Variants in CATSPER1 observed in about 807,000 individuals in gnomAD.
The protein encoded by CATSPER1 is cation channel sperm associated 1, also known as cation channel sperm-associated protein 1.
In CATSPER1, 57 loss-of-function variants were observed where a neutral mutation model predicts 72.7. The observed-to-expected ratio is 0.78, with a 90% CI of 0.63 to 0.98. CATSPER1 has a LOEUF of 0.98. Ranked by LOEUF, CATSPER1 falls within the 50% of genes least tolerant of loss-of-function variation. The pLI, the probability that CATSPER1 is intolerant of heterozygous loss-of-function variation, is 0.00. For synonymous variants in CATSPER1, 363 were observed against 403.0 expected (o/e 0.90, Z 1.19); for missense variants, 910 against 1,033.9 (o/e 0.88, Z 1.64).
In CATSPER1 at chr11:66,019,520, G is replaced by A. The variant is rs377189514; in HGVS notation, c.2126-618C>T. 5.8e-4 allele frequency among the ~76,000 whole-genome samples: 88 copies of A among 152,042 alleles called. No homozygotes were observed. The South Asian group carries it at 0.012, about 20-fold the overall frequency. ...TTGAACTGCTGACCTCAGGTGATCC[G>A]CCCGTCTCAGCCTCCCAAAGTGCTG... On this transcript the variant is annotated intron_variant, in intron 9 of 11. Coordinates refer to ENST00000312106, the MANE Select transcript of CATSPER1 (RefSeq NM_053054.4).
Position 66,026,425 on chromosome 11 carries a change from C to A in CATSPER1, c.-46G>T. Reference sequence around the variant, plus strand: ...AGCCAAAAGAGCTCAAGACCTGGGCCCAACAGGCCCCGCCTGGATTTCCCT... The same window carrying A: ...AGCCAAAAGAGCTCAAGACCTGGGCACAACAGGCCCCGCCTGGATTTCCCT... On this transcript the variant is annotated 5_prime_UTR_variant, in exon 1 of 12. Transcript: ENST00000312106. The A allele has an allele frequency of 6.2e-7, 1 of 1,605,648 alleles. No individual in the cohort carries two copies. Among genetic ancestry groups the A allele is most frequent in the African/African-American group, 1.3e-5 (1 of 75,044 alleles).
Position 66,026,002 on chromosome 11 carries a change from A to G in CATSPER1, c.378T>C (p.His126=), listed in dbSNP as rs1308753958. ...ACCCACCGTATTGGGACCCATCATG[A>G]TGCCTCCTGCCATCACGTTGGAGCT... ...HDELQRDGRR[H]HDGSQYGGFH... is the part of the protein sequence containing the mutation. Residue 126 remains histidine, a synonymous_variant, in exon 1 of 12, where the codon CAT becomes CAC. Transcript: ENST00000312106. The G allele has an allele frequency of 6.2e-7, 1 of 1,613,822 alleles. No individual in the cohort carries two copies. Among genetic ancestry groups the G allele is most frequent in the South Asian group, 1.1e-5 (1 of 91,078 alleles).
chr11:66,023,012 G>A lies in CATSPER1; in HGVS notation c.1266C>T (p.Phe422=), dbSNP rs1396704426. The A allele has an allele frequency of 1.9e-6, 3 of 1,614,122 alleles. No individual in the cohort carries two copies. In the African/African-American group the frequency reaches 4.0e-5, roughly 22 times the overall value. ...TRKKGHSTNL[F]QWLWEKLTFL... is the part of the protein sequence containing the mutation. ...AGGTTAGCTTTTCCCACAGCCACTGGAAGAGATTGGTAGAGTGTCCCTTCT... is the reference window on the plus strand; with the variant it reads ...AGGTTAGCTTTTCCCACAGCCACTGAAAGAGATTGGTAGAGTGTCCCTTCT... The change falls in exon 2 of 12, where the codon TTC becomes TTT. Residue 422 remains phenylalanine (F), a synonymous_variant. Transcript: ENST00000312106.
intron 10 of CATSPER1, 129 bp from the exon 11 acceptor site, chr11:66,017,303 A>C: frequency 1.6e-6 from 1 of 645,066 alleles, no homozygotes; most frequent in Non-Finnish European, 2.7e-6. Context: ...ATGACTGCAG[A>C]CCTGCATTTC....
Position 66,021,672 on chromosome 11 carries a change from G to A in CATSPER1, c.1544-29C>T, listed in dbSNP as rs200047406. On this transcript the variant is annotated intron_variant, in intron 3 of 11. Transcript: ENST00000312106. Reference sequence around the variant, plus strand: ...AGGGCACGGGGTGCCTGAGCCTGGCGGGCTCCCAACGCCAGCGCCCCCTTC... The same window carrying A: ...AGGGCACGGGGTGCCTGAGCCTGGCAGGCTCCCAACGCCAGCGCCCCCTTC... 9.1e-5 allele frequency: 146 copies of A among 1,607,660 alleles called. No homozygotes were observed. The African/African-American group carries it at 1.1e-3, about 13-fold the overall frequency.
chr11:66,019,607 C>T (rs149338762), intron 9 of CATSPER1, among the ~76,000 whole-genome samples: 7 of 152,078 alleles, frequency 4.6e-5, no homozygotes, highest in African/African-American at 1.7e-4. Flanking sequence ...TTGACAAGCA[C>T]AGTCAGGTGT....
intron 2 of CATSPER1, among the ~76,000 whole-genome samples, 159 bp downstream of exon 2, chr11:66,022,690 C>A (rs1243670626): frequency 1.3e-5 from 2 of 152,260 alleles, no homozygotes; most frequent in African/African-American, 2.4e-5. Context: ...CGGGGTCTTT[C>A]TGAGACGCTC....
chr11:66,020,994 C>T lies in CATSPER1; in HGVS notation c.1784-40G>A. The T allele has an allele frequency of 6.2e-7, 1 of 1,613,168 alleles. No individual in the cohort carries two copies. The highest frequency in any genetic ancestry group is 1.1e-5 in the South Asian group (1 of 91,058). On this transcript the variant is annotated intron_variant, in intron 5 of 11. Coordinates refer to ENST00000312106, the MANE Select transcript of CATSPER1 (RefSeq NM_053054.4). The surrounding 1 kb of genome is among the most constrained non-coding windows in gnomAD (Gnocchi z 4.5). ...CCAAACTCAGCTCTCCAGTGCTATC[C>T]CCACCCCAGCGCCCCTCGTCCTGCC...
At chr11:66,021,923 A>G (rs201190307) in intron 2 of CATSPER1, 44 bp from the exon 3 acceptor site, 1 of 1,436,514 alleles carries the variant, frequency 7.0e-7, no homozygotes, top group African/African-American at 1.4e-5. Flanking sequence ...CCCAGCACCC[A>G]GTGCCCTCTC....
chr11:66,025,612 G>A lies in CATSPER1; in HGVS notation c.768C>T (p.Tyr256=), dbSNP rs1197674867. ...TGTGATAGTCAGATATCCCACGCTG[G>A]TAGGACCCCACAGAGGAATGAGGGG... ...TISPHSSVGS[Y]QRGISDYHSE... The change falls in exon 1 of 12, where the codon TAC becomes TAT. Residue 256 remains tyrosine, a synonymous_variant. Transcript: ENST00000312106. 6 of 1,612,364 alleles carry A rather than the reference G, an allele frequency of 3.7e-6. No individual in the cohort carries two copies. In the East Asian group the frequency reaches 6.7e-5, roughly 18 times the overall value.
At chr11:66,023,783 C>T (rs1434582184) in intron 1 of CATSPER1, among the ~76,000 whole-genome samples, 1 of 151,898 alleles carries the variant, frequency 6.6e-6, no homozygotes, top group African/African-American at 2.4e-5. Context: ...TCTTTGCTCA[C>T]GTGGCAACTT....
chr11:66,017,319 G>C (rs1354488036), intron 10 of CATSPER1, 145 bp from the exon 11 acceptor site: 1 of 626,876 alleles, frequency 1.6e-6, no homozygotes, highest in Non-Finnish European at 2.8e-6. Flanking sequence ...ATTTCCAGGA[G>C]GTCTCCTTTT....
Position 66,026,295 on chromosome 11 carries a change from G to C in CATSPER1, c.85C>G (p.Pro29Ala), listed in dbSNP as rs768855476. Residue 29 changes from proline (P) to alanine (A), a missense_variant, in exon 1 of 12, where the codon CCC becomes GCC. Pro to Ala is a conservative substitution (Grantham distance 27). Transcript: ENST00000312106. ...ADRFFRSHSS[P>A]PHHRPGHSRA... ...CTGTGGCCTGGCCTGTGGTGTGGGGGTGATGAGTGAGAGCGAAAGAACCTA... is the reference window on the plus strand; with the variant it reads ...CTGTGGCCTGGCCTGTGGTGTGGGGCTGATGAGTGAGAGCGAAAGAACCTA... The C allele has an allele frequency of 1.9e-6, 3 of 1,614,098 alleles. No individual in the cohort carries two copies. The highest frequency in any genetic ancestry group is 2.5e-6 in the Non-Finnish European group (3 of 1,180,040).
In CATSPER1 at chr11:66,021,750, C is replaced by A; in HGVS notation, c.1543+16G>T. Reference sequence around the variant, plus strand: ...CCCAGACTAAACACACGCAGCCTGGCCCCGGCCGCACCCACCCAAATTGTT... The same window carrying A: ...CCCAGACTAAACACACGCAGCCTGGACCCGGCCGCACCCACCCAAATTGTT... On this transcript the variant is annotated intron_variant, in intron 3 of 11. Transcript: ENST00000312106. 6.2e-7 allele frequency: 1 copy of A among 1,612,624 alleles called. No individual in the cohort carries two copies. The highest frequency in any genetic ancestry group is 1.1e-5 in the South Asian group (1 of 91,066).
Position 66,020,077 on chromosome 11 carries a change from G to T in CATSPER1, c.2125+63C>A. On this transcript the variant is annotated intron_variant, in intron 9 of 11. Coordinates refer to ENST00000312106, the MANE Select transcript of CATSPER1 (RefSeq NM_053054.4). The surrounding 1 kb of genome is among the most constrained non-coding windows in gnomAD (Gnocchi z 4.5). ...CTGTGACTGTGGAAGGAGGTTAGGG[G>T]GATGGAGAGACTGGCCCCCACTGCG... 1 of 1,529,414 alleles carries T rather than the reference G, an allele frequency of 6.5e-7. No individual in the cohort carries two copies. The highest frequency in any genetic ancestry group is 9.1e-7 in the Non-Finnish European group (1 of 1,104,774). 94.7% of individuals were successfully genotyped at this position (1,529,414 alleles called of 1,614,324 possible). A position where few individuals can be genotyped will look rare whatever the true frequency, so the allele number is the denominator to read the frequency against.
intron 10 of CATSPER1, 41 bp from the exon 11 acceptor site, chr11:66,017,215 T>C (rs1354120557): frequency 3.4e-6 from 5 of 1,481,648 alleles, no homozygotes; most frequent in East Asian, 2.4e-5. Flanking sequence ...GGGGCTGGGC[T>C]GACCTGCTGG....
chr11:66,018,856 G>T lies in CATSPER1; in HGVS notation c.2172C>A (p.Ile724=), dbSNP rs772097950. ...ASEGTMLKRL[I]EKKFGTMTEK... ...CAGTCATGGTCCCAAACTTTTTCTC[G>T]ATGAGCCGCTTCAGCATGGTGCCTT... The change falls in exon 10 of 12, where the codon ATC becomes ATA. Residue 724 remains isoleucine, a synonymous_variant. Transcript: ENST00000312106. 2.5e-6 allele frequency: 4 copies of T among 1,613,804 alleles called. No homozygotes were observed. Among genetic ancestry groups the T allele is most frequent in the African/African-American group, 1.3e-5 (1 of 74,960 alleles).
chr11:66,023,127 C>A (rs182096136), intron 1 of CATSPER1, 66 bp from the exon 2 acceptor site: 2 of 1,421,708 alleles, frequency 1.4e-6, no homozygotes, highest in African/African-American at 1.4e-5. Context: ...AGGCACCCCC[C>A]AGCCTGGCTC....
In CATSPER1 at chr11:66,020,347, C is replaced by T; in HGVS notation, c.2034G>A (p.Leu678=). 6.2e-7 allele frequency: 1 copy of T among 1,614,132 alleles called. No homozygotes were observed. The highest frequency in any genetic ancestry group is 8.5e-7 in the Non-Finnish European group (1 of 1,180,030). The change falls in exon 8 of 12, where the codon CTG becomes CTA. Residue 678 remains leucine, a synonymous_variant. Transcript: ENST00000312106. This position sits in a 1 kb window ranked among gnomAD's most constrained non-coding sequence, Gnocchi z 4.5. ...GCTTCGCTTTCTCAAGGCCTTTGAA[C>T]AGCGCCGTCTGGAAGCTATCCACCA... ...TVLVDSFQTA[L]FKGLEKAKQE... is the part of the protein sequence containing the mutation.
Sources: gnomAD v4.1 joint callset for allele counts (sites outside exome capture counted in the v4.1 genomes callset) on GRCh38, gnomAD v4.1.1 for gene constraint, Gnocchi (gnomAD v3.1) non-coding constraint, MANE v1.5 for transcripts, NCBI Gene and HGNC (gene_info 2026-07-23, HGNC 2026-07-21) for gene names.